Variants in NCKAP5 observed in about 807,000 individuals in gnomAD.
The protein encoded by NCKAP5 is nck-associated protein 5.
In NCKAP5, 92 loss-of-function variants were observed where a neutral mutation model predicts 167.0. That is an observed-to-expected ratio of 0.55 (90% confidence interval 0.47 to 0.66). The LOEUF is 0.66. NCKAP5 is among the 30% of genes least tolerant of loss of function. NCKAP5 has a pLI of 0.00. For missense variants in NCKAP5, 2,378 were observed against 2,315.0 expected (o/e 1.03, Z -0.56); for synonymous variants, 891 against 877.4 (o/e 1.02, Z -0.27).
chr2:132,906,716 G>C (rs940429119), intron 8 of NCKAP5, among the ~76,000 whole-genome samples: 1 of 152,128 alleles, frequency 6.6e-6, no homozygotes, highest in Non-Finnish European at 1.5e-5. Flanking sequence ...ATAGTGGTGA[G>C]GCTTCAAAGC....
chr2:132,797,870 T>C (rs1280337445), intron 11 of NCKAP5, among the ~76,000 whole-genome samples: 1 of 152,180 alleles, frequency 6.6e-6, no homozygotes, highest in Non-Finnish European at 1.5e-5. Flanking sequence ...TGAACTTCTG[T>C]GAGAGCCCTG....
intron 3 of NCKAP5, among the ~76,000 whole-genome samples, chr2:133,456,308 C>T (rs1292103312): frequency 6.6e-6 from 1 of 152,162 alleles, no homozygotes; most frequent in Non-Finnish European, 1.5e-5. Context: ...GCACTGATTG[C>T]CATCGTGTGG....
intron 3 of NCKAP5, among the ~76,000 whole-genome samples, chr2:133,372,858 G>A (rs1284692416): frequency 6.6e-6 from 1 of 152,014 alleles, no homozygotes; most frequent in African/African-American, 2.4e-5. Flanking sequence ...TAGTTACTAT[G>A]ACAGGCACCT....
At chr2:132,901,179 T>C (rs1401404060) in intron 8 of NCKAP5, among the ~76,000 whole-genome samples, 2 of 152,214 alleles carry the variant, frequency 1.3e-5, no homozygotes, top group African/African-American at 4.8e-5. Context: ...TGGTAGAATC[T>C]GTGCCCAATT....
chr2:133,559,408 T>G (rs1463644977), intron 1 of NCKAP5, among the ~76,000 whole-genome samples: 1 of 152,214 alleles, frequency 6.6e-6, no homozygotes, highest in Non-Finnish European at 1.5e-5. Flanking sequence ...AACCTGGAAC[T>G]CTTGGGTTCA....
At chr2:132,840,919 A>T (rs545075587) in intron 11 of NCKAP5, among the ~76,000 whole-genome samples, 1 of 152,290 alleles carries the variant, frequency 6.6e-6, no homozygotes, top group East Asian at 1.9e-4. Flanking sequence ...AAATCTGTGT[A>T]TAATTGGACC....
At chr2:133,384,521 A>T (rs1045246898) in intron 3 of NCKAP5, among the ~76,000 whole-genome samples, 1 of 152,152 alleles carries the variant, frequency 6.6e-6, no homozygotes, top group Non-Finnish European at 1.5e-5. Flanking sequence ...CTGGCTTAGG[A>T]CTGACTTGGC....
chr2:132,911,588 C>T (rs566406377), intron 8 of NCKAP5, among the ~76,000 whole-genome samples: 15 of 152,282 alleles, frequency 9.9e-5, no homozygotes, highest in Admixed American at 7.2e-4. Context: ...ACTGTGACCT[C>T]CCCTTTTTCC....
intron 3 of NCKAP5, among the ~76,000 whole-genome samples, chr2:133,329,138 A>G (rs1362016847): frequency 6.6e-6 from 1 of 152,188 alleles, no homozygotes; most frequent in Middle Eastern, 3.2e-3. Flanking sequence ...CTGAAGAGGC[A>G]TGAGAGTGGT....
At chr2:132,994,592 C>A (rs2077538829) in intron 6 of NCKAP5, among the ~76,000 whole-genome samples, 1 of 152,124 alleles carries the variant, frequency 6.6e-6, no homozygotes, top group Non-Finnish European at 1.5e-5. Flanking sequence ...TTTTAAACAC[C>A]AATTTTCAAA....
chr2:133,437,444 C>T (rs145893783), intron 3 of NCKAP5, among the ~76,000 whole-genome samples: 1 of 151,950 alleles, frequency 6.6e-6, no homozygotes, highest in Non-Finnish European at 1.5e-5. Flanking sequence ...GAAAGGCTGG[C>T]GTAAAAAACT....
intron 5 of NCKAP5, among the ~76,000 whole-genome samples, chr2:133,179,169 C>CA (rs1318655867): frequency 1.3e-5 from 2 of 149,906 alleles, no homozygotes; most frequent in Non-Finnish European, 3.0e-5. Flanking sequence ...CAAAAAGTAA[C>CA]AAAAATAACA....
chr2:132,992,078 G>C (rs1229797604), intron 7 of NCKAP5, among the ~76,000 whole-genome samples: 2 of 152,164 alleles, frequency 1.3e-5, no homozygotes, highest in South Asian at 2.1e-4. Flanking sequence ...GTAAGTGTTT[G>C]TTAAATGCAC....
At chr2:133,663,161 G>A in the NCKAP5 span, among the ~76,000 whole-genome samples, 1 of 151,998 alleles carries the variant, frequency 6.6e-6, no homozygotes, top group South Asian at 2.1e-4. Context: ...AGCTACTCGG[G>A]AGGCTGAGGC....
At chr2:133,024,334 A>G (rs2078625063) in intron 6 of NCKAP5, among the ~76,000 whole-genome samples, 1 of 152,216 alleles carries the variant, frequency 6.6e-6, no homozygotes. Context: ...CAACTATCAG[A>G]CCTTTACAAG....
At chr2:133,661,759 CT>C in the NCKAP5 span, among the ~76,000 whole-genome samples, 1 of 152,176 alleles carries the variant, frequency 6.6e-6, no homozygotes, top group Non-Finnish European at 1.5e-5. Context: ...GCCCTTTCCC[CT>C]GACCATGCTT....
At chr2:133,017,897 A>T (rs1341277487) in intron 6 of NCKAP5, among the ~76,000 whole-genome samples, 1 of 152,182 alleles carries the variant, frequency 6.6e-6, no homozygotes, top group Non-Finnish European at 1.5e-5. Context: ...GGGGTTATAC[A>T]AGATGGTAAA....
chr2:133,626,298 G>C, the NCKAP5 span, among the ~76,000 whole-genome samples: 1 of 152,116 alleles, frequency 6.6e-6, no homozygotes, highest in African/African-American at 2.4e-5. Flanking sequence ...TCCCAAAATT[G>C]AATCTGAGTC....
At chr2:132,974,444 C>T (rs2076919199) in intron 7 of NCKAP5, among the ~76,000 whole-genome samples, 1 of 152,146 alleles carries the variant, frequency 6.6e-6, no homozygotes, top group African/African-American at 2.4e-5. Flanking sequence ...TGAGTTCAGA[C>T]ATACAATTTT....
Sources: gnomAD v4.1 joint callset for allele counts (sites outside exome capture counted in the v4.1 genomes callset) on GRCh38, gnomAD v4.1.1 for gene constraint, MANE v1.5 for transcripts, NCBI Gene and HGNC (gene_info 2026-07-23, HGNC 2026-07-21) for gene names.